IDE: variants seen among roughly 807,000 people sequenced by gnomAD.
IDE encodes insulin degrading enzyme.
A neutral mutation model predicts 133.2 loss-of-function variants in IDE; 58 were observed. The ratio of observed to expected loss-of-function variants is 0.44; its 90% CI spans 0.35 to 0.54. The LOEUF is 0.54. Ranked by LOEUF, IDE falls within the 20% of genes least tolerant of loss-of-function variation. The pLI is 0.00. For synonymous variants in IDE, 396 were observed against 421.3 expected (o/e 0.94, Z 0.73); for missense variants, 981 against 1,234.0 (o/e 0.79, Z 3.07).
intron 20 of IDE, among the ~76,000 whole-genome samples, chr10:92,465,020 C>T (rs1459041382): frequency 3.3e-5 from 5 of 152,124 alleles, no homozygotes; most frequent in Admixed American, 3.3e-4. Context: ...TAAAATTATT[C>T]CTTTACAGGC....
chr10:92,510,784 C>A (rs894662532), intron 5 of IDE, among the ~76,000 whole-genome samples: 26 of 42,182 alleles, frequency 6.2e-4, no homozygotes, highest in African/African-American at 2.1e-3. Flanking sequence ...GCACATACAT[C>A]TCACATGATA....
intron 9 of IDE, 52 bp from the exon 10 acceptor site, chr10:92,506,574 T>A: frequency 9.9e-5 from 17 of 172,208 alleles, no homozygotes; most frequent in Non-Finnish European, 1.5e-4. Context: ...TTTAGAAACC[T>A]TTTTTTTTTT....
intron 5 of IDE, among the ~76,000 whole-genome samples, chr10:92,511,606 C>T (rs1848633847): frequency 6.6e-6 from 1 of 152,140 alleles, no homozygotes; most frequent in African/African-American, 2.4e-5. Flanking sequence ...TATTTGAGAG[C>T]TGCCTTTATA....
At chr10:92,571,338 C>T (rs1329959296) in intron 1 of IDE, among the ~76,000 whole-genome samples, 1 of 152,144 alleles carries the variant, frequency 6.6e-6, no homozygotes, top group African/African-American at 2.4e-5. Flanking sequence ...TCAAGACAGG[C>T]AGAATGTGTG....
intron 4 of IDE, among the ~76,000 whole-genome samples, chr10:92,530,540 G>A (rs1272359244): frequency 6.6e-6 from 1 of 151,142 alleles, no homozygotes; most frequent in Non-Finnish European, 1.5e-5. Context: ...TCCCACCTTG[G>A]TCTTCTAAAG....
chr10:92,556,394 G>A (rs1485220961), intron 1 of IDE, among the ~76,000 whole-genome samples: 31 of 151,884 alleles, frequency 2.0e-4, no homozygotes, highest in African/African-American at 7.0e-4. Context: ...AGGCTGAGGC[G>A]GGTGGATGAC....
chr10:92,538,777 A>AC (rs5787001), intron 1 of IDE, among the ~76,000 whole-genome samples: 89,882 of 142,614 alleles, frequency 0.63, 28,183 homozygotes, highest in East Asian at 0.73. Flanking sequence ...TGCTTAATAG[A>AC]CAAAAAAAAA....
At chr10:92,457,364 T>C (rs1845088738) in intron 22 of IDE, among the ~76,000 whole-genome samples, 1 of 152,220 alleles carries the variant, frequency 6.6e-6, no homozygotes. Context: ...CTAAGCATCA[T>C]GATGATTCTT....
Position 92,503,165 on chromosome 10 carries a change from C to T in IDE, c.1430+1629G>A, listed in dbSNP as rs75195635. Among the ~76,000 whole-genome samples, 403 of 152,212 alleles carry T rather than the reference C, an allele frequency of 2.6e-3. 1 individual carries two copies. Among genetic ancestry groups the T allele is most frequent in the African/African-American group, 9.3e-3 (386 of 41,518 alleles). ...AAATTCTAGACTGGGCACAGTGGCT[C>T]ACGACGGCTGTAATCCCAGCACTTT... On this transcript the variant is annotated intron_variant, in intron 11 of 24. Transcript: ENST00000265986.
intron 22 of IDE, among the ~76,000 whole-genome samples, chr10:92,457,129 T>C (rs1287643702): frequency 6.6e-6 from 1 of 151,982 alleles, no homozygotes; most frequent in East Asian, 1.9e-4. Context: ...TAGTACTCAC[T>C]GGGATGGGCT....
intron 13 of IDE, among the ~76,000 whole-genome samples, chr10:92,485,121 C>CTTTTTTT (rs1469725925): frequency 3.9e-5 from 4 of 101,432 alleles, no homozygotes; most frequent in East Asian, 2.8e-4. Flanking sequence ...TTCTTTCTTT[C>CTTTTTTT]TTTCTTTTTT....
chr10:92,492,609 T>C lies in IDE; in HGVS notation c.1431-2014A>G, dbSNP rs527881579. The stretch of plus-strand genomic sequence containing the variant: ...TTCTCCCTTAAGTCCCAATTCCCAA[T>C]TCAAATAATTAGGTCCCAATTCAAA... On this transcript the variant is annotated intron_variant, in intron 11 of 24. Transcript: ENST00000265986. Among the ~76,000 whole-genome samples, 63 of 152,300 alleles carry C rather than the reference T, an allele frequency of 4.1e-4. 2 individuals carry two copies. Among genetic ancestry groups the C allele is most frequent in the South Asian group, 2.3e-3 (11 of 4,820 alleles).
At chr10:92,555,901 C>T (rs1028616066) in intron 1 of IDE, among the ~76,000 whole-genome samples, 8 of 152,164 alleles carry the variant, frequency 5.3e-5, no homozygotes, top group South Asian at 2.1e-4. Context: ...AGGCCGGGCG[C>T]GGTGGCTCAC....
At chr10:92,534,013 A>T (rs532841490) in intron 3 of IDE, among the ~76,000 whole-genome samples, 1 of 148,996 alleles carries the variant, frequency 6.7e-6, no homozygotes, top group South Asian at 2.1e-4. Context: ...ACAAGTGCGA[A>T]ACTCCGTCTG....
intron 3 of IDE, among the ~76,000 whole-genome samples, chr10:92,532,862 C>T (rs149309683): frequency 1.3e-5 from 2 of 152,318 alleles, no homozygotes; most frequent in East Asian, 1.9e-4. Context: ...TCAGTTACTA[C>T]GCCTCACAGT....
At chr10:92,538,338 C>T (rs770697902) in intron 1 of IDE, among the ~76,000 whole-genome samples, 2 of 152,170 alleles carry the variant, frequency 1.3e-5, no homozygotes, top group Non-Finnish European at 2.9e-5. Context: ...TACACATGCT[C>T]AGAACATAGG....
In IDE at chr10:92,552,857, C is replaced by CAAAAAAAAAAAAA. The variant is rs71028827; in HGVS notation, c.99-15320_99-15308dup. On this transcript the variant is annotated intron_variant, in intron 1 of 24. Coordinates refer to ENST00000265986, the MANE Select transcript of IDE (RefSeq NM_004969.4). ...TGGGTGACAGAGTAAGACTCAGTCT[C>CAAAAAAAAAAAAA]AAAAAAAAAAAAAAAAAAAAATTAT... 1.0e-3 allele frequency among the ~76,000 whole-genome samples: 51 copies of CAAAAAAAAAAAAA among 49,362 alleles called. 1 individual carries two copies. Among genetic ancestry groups the CAAAAAAAAAAAAA allele is most frequent in the African/African-American group, 3.3e-3 (31 of 9,336 alleles). The allele number at this position is 49,362 out of a possible 152,430, so 32.4% of individuals were successfully genotyped here.
intron 21 of IDE, among the ~76,000 whole-genome samples, chr10:92,462,775 A>C (rs1845464781): frequency 1.3e-5 from 2 of 152,220 alleles, no homozygotes; most frequent in African/African-American, 4.8e-5. Context: ...TGGGGATAAT[A>C]ACTACTTAAT....
chr10:92,521,229 T>C (rs1849209254), intron 4 of IDE, among the ~76,000 whole-genome samples: 1 of 152,078 alleles, frequency 6.6e-6, no homozygotes, highest in Non-Finnish European at 1.5e-5. Context: ...ATTTGCAACA[T>C]CATAAATGAC....
Sources: gnomAD v4.1 joint callset for allele counts (sites outside exome capture counted in the v4.1 genomes callset) on GRCh38, gnomAD v4.1.1 for gene constraint, MANE v1.5 for transcripts, NCBI Gene and HGNC (gene_info 2026-07-23, HGNC 2026-07-21) for gene names.